MALRD1: variants seen among roughly 807,000 people sequenced by gnomAD.
MALRD1 encodes the protein MAM and LDL receptor class A domain containing 1.
A neutral mutation model predicts 242.1 loss-of-function variants in MALRD1; 247 were observed. That is an observed-to-expected ratio of 1.02 (90% confidence interval 0.92 to 1.13). MALRD1 has a LOEUF of 1.13. Ranked by LOEUF, MALRD1 falls within the 50% of genes most tolerant of loss-of-function variation. MALRD1 has a pLI of 0.00. For synonymous variants in MALRD1, 995 were observed against 866.6 expected (o/e 1.15, Z -2.60); for missense variants, 2,989 against 2,533.1 (o/e 1.18, Z -3.86).
At chr10:19,480,829 C>G (rs1046586080) in intron 29 of MALRD1, among the ~76,000 whole-genome samples, 2 of 151,678 alleles carry the variant, frequency 1.3e-5, no homozygotes, top group African/African-American at 4.8e-5. Flanking sequence ...TCTAAACAGG[C>G]TTTTTTTTGG....
rs974278491 is a variant in MALRD1, at chr10:19,450,235, G to T, written c.4846-72G>T. ...CAAATGCTTCTGAGATAAATAACTG[G>T]GTTTTGCCCCACACTGCATCATCTT... is the stretch of plus-strand genomic sequence containing the variant. On this transcript the variant is annotated intron_variant, in intron 28 of 39. Coordinates refer to ENST00000454679, the MANE Select transcript of MALRD1 (RefSeq NM_001142308.3). 8.0e-6 allele frequency: 10 copies of T among 1,256,846 alleles called. No homozygotes were observed. The South Asian group carries it at 8.1e-5, about 10-fold the overall frequency. 77.9% of individuals were successfully genotyped at this position (1,256,846 alleles called of 1,614,324 possible).
chr10:19,591,387 A>G (rs771384514), intron 33 of MALRD1, among the ~76,000 whole-genome samples: 1 of 152,188 alleles, frequency 6.6e-6, no homozygotes, highest in African/African-American at 2.4e-5. Flanking sequence ...CGATCCTCCT[A>G]TGATAATTAG....
Position 19,444,809 on chromosome 10 carries a change from G to A in MALRD1, c.4846-5498G>A, listed in dbSNP as rs191693356. ...GTCTTGGAGTTGCTCTTCTCAAGGA[G>A]TATCTTTGTGGCATTCTCTGTATCT... On this transcript the variant is annotated intron_variant, in intron 28 of 39. Transcript: ENST00000454679. Among the ~76,000 whole-genome samples, 10 of 152,244 alleles carry A rather than the reference G, an allele frequency of 6.6e-5. 1 individual carries two copies. Among genetic ancestry groups the A allele is most frequent in the Middle Eastern group, 3.4e-3 (1 of 294 alleles).
At chr10:19,449,039 G>A (rs1835161167) in intron 28 of MALRD1, among the ~76,000 whole-genome samples, 1 of 152,092 alleles carries the variant, frequency 6.6e-6, no homozygotes, top group Non-Finnish European at 1.5e-5. Flanking sequence ...TAGAAGTTTG[G>A]ATAGCTAATT....
intron 38 of MALRD1, among the ~76,000 whole-genome samples, chr10:19,700,372 T>G (rs951992632): frequency 3.9e-5 from 6 of 152,138 alleles, no homozygotes; most frequent in Non-Finnish European, 8.8e-5. Context: ...AAATAGAGGT[T>G]GGAATTTGGT....
intron 26 of MALRD1, among the ~76,000 whole-genome samples, chr10:19,365,875 C>T (rs1313225971): frequency 6.6e-6 from 1 of 152,006 alleles, no homozygotes; most frequent in African/African-American, 2.4e-5. Context: ...CTTTCCTGTT[C>T]TCCTTCCCGG....
chr10:19,553,076 A>T (rs1223492904), intron 32 of MALRD1, among the ~76,000 whole-genome samples: 3 of 152,178 alleles, frequency 2.0e-5, no homozygotes, highest in African/African-American at 4.8e-5. Context: ...ATGAATGTTT[A>T]AAAGTCCTAA....
At chr10:19,113,900 A>G (rs577534972) in intron 5 of MALRD1, among the ~76,000 whole-genome samples, 1 of 152,230 alleles carries the variant, frequency 6.6e-6, no homozygotes, top group African/African-American at 2.4e-5. Flanking sequence ...CTTGAGGCAT[A>G]GTTCCTACCC....
intron 28 of MALRD1, among the ~76,000 whole-genome samples, chr10:19,438,001 G>A (rs1304192952): frequency 1.3e-5 from 2 of 151,928 alleles, no homozygotes; most frequent in African/African-American, 4.8e-5. Flanking sequence ...ATATGCCTTG[G>A]TAGAAGTCCC....
chr10:19,119,798 G>A (rs1159040553), intron 5 of MALRD1, among the ~76,000 whole-genome samples: 4 of 152,202 alleles, frequency 2.6e-5, no homozygotes, highest in Non-Finnish European at 5.9e-5. Flanking sequence ...GGAAAGGGCT[G>A]TTACCATCCT....
intron 2 of MALRD1, among the ~76,000 whole-genome samples, chr10:19,084,691 C>G (rs1178947482): frequency 6.6e-6 from 1 of 151,956 alleles, no homozygotes; most frequent in Non-Finnish European, 1.5e-5. Flanking sequence ...TTGGATTTAG[C>G]TCTCAATCCT....
chr10:19,376,418 G>A (rs1845598509), intron 26 of MALRD1, among the ~76,000 whole-genome samples: 1 of 152,050 alleles, frequency 6.6e-6, no homozygotes, highest in South Asian at 2.1e-4. Flanking sequence ...GACAGGAGGG[G>A]GAGGTCTCCA....
chr10:19,677,275 C>A (rs1420880337), intron 36 of MALRD1, among the ~76,000 whole-genome samples: 1 of 152,130 alleles, frequency 6.6e-6, no homozygotes, highest in African/African-American at 2.4e-5. Flanking sequence ...AATTTACATT[C>A]CCACCAGCAG....
chr10:19,121,470 G>A (rs1837062602), intron 5 of MALRD1, among the ~76,000 whole-genome samples: 1 of 152,234 alleles, frequency 6.6e-6, no homozygotes, highest in Non-Finnish European at 1.5e-5. Flanking sequence ...TGGTGTTTGA[G>A]TCAGTGTGAG....
chr10:19,593,262 C>A (rs921983489), intron 33 of MALRD1, among the ~76,000 whole-genome samples: 1 of 152,192 alleles, frequency 6.6e-6, no homozygotes, highest in Non-Finnish European at 1.5e-5. Context: ...ACATTTATCT[C>A]TCTCCTACTT....
intron 28 of MALRD1, among the ~76,000 whole-genome samples, chr10:19,425,578 C>T (rs1833874538): frequency 1.3e-5 from 2 of 152,052 alleles, no homozygotes; most frequent in African/African-American, 4.8e-5. Context: ...TGTAACTGTT[C>T]TCGATGGGCT....
intron 36 of MALRD1, among the ~76,000 whole-genome samples, chr10:19,663,681 C>T (rs1013468070): frequency 6.6e-6 from 1 of 152,092 alleles, no homozygotes; most frequent in African/African-American, 2.4e-5. Flanking sequence ...TTCCACAGAG[C>T]TCCCACAACC....
chr10:19,317,456 A>C (rs938057557), intron 21 of MALRD1, among the ~76,000 whole-genome samples: 3 of 151,960 alleles, frequency 2.0e-5, no homozygotes, highest in African/African-American at 7.2e-5. Flanking sequence ...AAACATTCAG[A>C]CCATAGCAAG....
chr10:19,536,500 G>A (rs12257255), intron 32 of MALRD1, among the ~76,000 whole-genome samples: 22,289 of 151,708 alleles, frequency 0.15, 3,215 homozygotes, highest in African/African-American at 0.38. Context: ...GGTAGGTTGC[G>A]TCATAATTTC....
Sources: gnomAD v4.1 joint callset for allele counts (sites outside exome capture counted in the v4.1 genomes callset) on GRCh38, gnomAD v4.1.1 for gene constraint, MANE v1.5 for transcripts, NCBI Gene and HGNC (gene_info 2026-07-23, HGNC 2026-07-21) for gene names.